The following SYNPR variants were observed in gnomAD, a reference collection of about 807,000 sequenced individuals.
SYNPR encodes the protein synaptoporin.
SYNPR carries 23 observed loss-of-function variants against 32.9 expected under a neutral mutation model. The observed-to-expected ratio is 0.70, with a 90% CI of 0.50 to 0.99. The LOEUF (loss-of-function observed/expected upper bound fraction) is 0.99. Ranked by LOEUF, SYNPR falls within the 50% of genes least tolerant of loss-of-function variation. The pLI, the probability that SYNPR is intolerant of heterozygous loss-of-function variation, is 0.00. For synonymous variants in SYNPR, 146 were observed against 135.9 expected, an observed-to-expected ratio of 1.07 and a Z score of -0.52; for missense variants, 318 against 349.3, an observed-to-expected ratio of 0.91 and a Z score of 0.71.
chr3:63,268,445 GC>G (rs1197067046), intron 3 of SYNPR, among the ~76,000 whole-genome samples: 1 of 152,122 alleles, frequency 6.6e-6, no homozygotes, highest in African/African-American at 2.4e-5. Flanking sequence ...ACTACTAATA[GC>G]CTGCTGTTGA....
intron 2 of SYNPR, among the ~76,000 whole-genome samples, chr3:63,365,344 T>C (rs1043407859): frequency 1.3e-5 from 2 of 152,188 alleles, no homozygotes; most frequent in Non-Finnish European, 2.9e-5. Flanking sequence ...ATAGGGATTC[T>C]TCCTGACTGG....
At chr3:63,266,250 ATT>A (rs11457877) in intron 2 of SYNPR, among the ~76,000 whole-genome samples, 1 of 150,052 alleles carries the variant, frequency 6.7e-6, no homozygotes, top group African/African-American at 2.4e-5. Flanking sequence ...TTCTTTTTCT[ATT>A]TTTTTTTTAG....
intron 2 of SYNPR, among the ~76,000 whole-genome samples, chr3:63,373,961 A>G (rs775036887): frequency 3.9e-5 from 6 of 152,216 alleles, no homozygotes; most frequent in Non-Finnish European, 8.8e-5. Flanking sequence ...CCAATCAAGA[A>G]TTTAATATTC....
chr3:63,255,188 C>A lies in SYNPR; in HGVS notation n.154+2602C>A, dbSNP rs191955222. Among the ~76,000 whole-genome samples, 110 of 152,274 alleles carry A rather than the reference C, an allele frequency of 7.2e-4. 1 individual carries two copies. The highest frequency in any genetic ancestry group is 2.5e-3 in the African/African-American group (104 of 41,556). On this transcript the variant is annotated intron_variant and non_coding_transcript_variant, in intron 2 of 4. Coordinates refer to the SYNPR transcript ENST00000478456. ...TTCTCCTGGGGAGGCGGTCAAATAACCTCCAGCTTGAGAACCATCACCTAG... is the reference window on the plus strand; with the variant it reads ...TTCTCCTGGGGAGGCGGTCAAATAAACTCCAGCTTGAGAACCATCACCTAG...
At chr3:63,430,665 A>C (rs1226557003) in intron 2 of SYNPR, among the ~76,000 whole-genome samples, 2 of 152,204 alleles carry the variant, frequency 1.3e-5, no homozygotes, top group Admixed American at 6.5e-5. Flanking sequence ...ACAATGTGGA[A>C]GGCAATCTAA....
chr3:63,476,738 T>G (rs1374341459), intron 2 of SYNPR, among the ~76,000 whole-genome samples: 1 of 152,174 alleles, frequency 6.6e-6, no homozygotes, highest in Non-Finnish European at 1.5e-5. Context: ...TTAGCTTAAA[T>G]GTAACACCCC....
intron 1 of SYNPR, among the ~76,000 whole-genome samples, chr3:63,232,545 G>A (rs1401297107): frequency 1.3e-5 from 2 of 152,158 alleles, no homozygotes. Flanking sequence ...ATGTGATAAT[G>A]CAGAATTATT....
intron 2 of SYNPR, among the ~76,000 whole-genome samples, chr3:63,386,678 GT>G (rs2088050348): frequency 1.3e-5 from 2 of 148,684 alleles, no homozygotes; most frequent in African/African-American, 5.2e-5. Context: ...GACTCACTAG[GT>G]TTTGATGAGC....
rs76404202 is a variant in SYNPR at position 63,600,433 on chromosome 3, A to G, written c.409-8692A>G. On this transcript the variant is annotated intron_variant, in intron 4 of 5. Transcript: ENST00000478300. ...AGCAGGAGGTGGGACAATGTAGGGA[A>G]GTGGTGTCAGGTTATTTGTTCCCAC... is the stretch of plus-strand genomic sequence containing the variant. Among the ~76,000 whole-genome samples the G allele has an allele frequency of 5.7e-3, 868 of 152,264 alleles. 45 individuals are homozygous for G. The East Asian group carries it at 0.13, about 24-fold the overall frequency.
chr3:63,524,577 G>A (rs899115072), intron 3 of SYNPR, among the ~76,000 whole-genome samples: 1 of 152,094 alleles, frequency 6.6e-6, no homozygotes, highest in Admixed American at 6.5e-5. Flanking sequence ...CTCACTGATG[G>A]TCATGACCCT....
chr3:63,239,879 CTACCATTGTCACCCATCA>C (rs1462833890), intron 1 of SYNPR, among the ~76,000 whole-genome samples: 1 of 152,084 alleles, frequency 6.6e-6, no homozygotes, highest in African/African-American at 2.4e-5. Context: ...TGCACCCATC[CTACCATTGTCACCCATCA>C]TACCATTGTC....
chr3:63,615,209 T>C lies in SYNPR; in HGVS notation c.601-15T>C. The C allele has an allele frequency of 1.2e-6, 2 of 1,611,068 alleles. No individual in the cohort carries two copies. The highest frequency in any genetic ancestry group is 1.7e-6 in the Non-Finnish European group (2 of 1,178,240). The stretch of plus-strand genomic sequence containing the variant: ...TGTCTAGTCTATCAATTCATTGGCT[T>C]TGATTCTCCTTCAGGTCTTTGGATT... On this transcript the variant is annotated splice_polypyrimidine_tract_variant and intron_variant, in intron 5 of 5. Coordinates refer to ENST00000478300, the MANE Select transcript of SYNPR (RefSeq NM_001130003.2).
chr3:63,209,465 G>C, the SYNPR span, among the ~76,000 whole-genome samples: 1 of 152,092 alleles, frequency 6.6e-6, no homozygotes, highest in South Asian at 2.1e-4. Context: ...AAGATTTTCT[G>C]AACAGTCTGG....
chr3:63,241,290 G>A (rs949869434), intron 1 of SYNPR, among the ~76,000 whole-genome samples: 1 of 152,110 alleles, frequency 6.6e-6, no homozygotes, highest in Admixed American at 6.6e-5. Context: ...GGTGAAAATG[G>A]CAAATATTAT....
At chr3:63,486,719 A>G (rs1213981153) in intron 3 of SYNPR, among the ~76,000 whole-genome samples, 1 of 152,214 alleles carries the variant, frequency 6.6e-6, no homozygotes. Context: ...ACTCTAAATC[A>G]TATTATATAG....
At chr3:63,586,544 T>C (rs1228703158) in intron 4 of SYNPR, among the ~76,000 whole-genome samples, 2 of 152,016 alleles carry the variant, frequency 1.3e-5, no homozygotes, top group African/African-American at 2.4e-5. Context: ...ATGAGTTTCT[T>C]GTATCCTTGA....
intron 1 of SYNPR, among the ~76,000 whole-genome samples, chr3:63,251,359 T>C (rs767054246): frequency 1.2e-4 from 19 of 152,176 alleles, no homozygotes; most frequent in Non-Finnish European, 2.6e-4. Flanking sequence ...GAAGAGGAGT[T>C]AGAAGGAAAG....
chr3:63,542,627 C>A (rs1702327002), intron 3 of SYNPR, among the ~76,000 whole-genome samples: 1 of 152,056 alleles, frequency 6.6e-6, no homozygotes, highest in Admixed American at 6.6e-5. Flanking sequence ...CTGAGTCAGG[C>A]ATGGACAATC....
intron 3 of SYNPR, among the ~76,000 whole-genome samples, chr3:63,522,239 A>G (rs1406166764): frequency 6.6e-6 from 1 of 152,250 alleles, no homozygotes; most frequent in Non-Finnish European, 1.5e-5. Flanking sequence ...ATGTAGGACC[A>G]TCCTCTATCG....
Sources: gnomAD v4.1 joint callset for allele counts (sites outside exome capture counted in the v4.1 genomes callset) on GRCh38, gnomAD v4.1.1 for gene constraint, MANE v1.5 for transcripts, NCBI Gene and HGNC (gene_info 2026-07-23, HGNC 2026-07-21) for gene names.